Variants in SPIRE1 observed in about 807,000 individuals in gnomAD.
SPIRE1 encodes the protein protein spire homolog 1.
In SPIRE1, 40 loss-of-function variants were observed where a neutral mutation model predicts 94.1. That is an observed-to-expected ratio of 0.43 (90% CI 0.33 to 0.55). The LOEUF (loss-of-function observed/expected upper bound fraction) is 0.55, where lower values mean the gene tolerates loss of function less well. Ranked by LOEUF, SPIRE1 falls within the 20% of genes least tolerant of loss-of-function variation. The pLI is 0.06. For synonymous variants in SPIRE1, 376 were observed against 371.7 expected (o/e 1.01, Z -0.13); for missense variants, 838 against 975.2 (o/e 0.86, Z 1.87).
intron 2 of SPIRE1, among the ~76,000 whole-genome samples, chr18:12,610,802 T>G (rs992689766): frequency 2.0e-5 from 3 of 152,152 alleles, no homozygotes; most frequent in Admixed American, 6.5e-5. Flanking sequence ...TCTCTCATCC[T>G]CATTCTCAAT....
At chr18:12,602,443 G>C (rs1433943184) in intron 2 of SPIRE1, among the ~76,000 whole-genome samples, 3 of 152,124 alleles carry the variant, frequency 2.0e-5, no homozygotes, top group Non-Finnish European at 4.4e-5. Flanking sequence ...GCAAGGAGAG[G>C]CTGCTCAGTC....
intron 2 of SPIRE1, among the ~76,000 whole-genome samples, chr18:12,602,496 C>G (rs1233562359): frequency 6.6e-6 from 1 of 152,192 alleles, no homozygotes; most frequent in Admixed American, 6.5e-5. Flanking sequence ...TCATCCCACA[C>G]TAAACACAAT....
chr18:12,611,835 C>CTTT (rs71174105), intron 2 of SPIRE1, among the ~76,000 whole-genome samples: 1,780 of 146,828 alleles, frequency 0.012, 36 homozygotes, highest in African/African-American at 0.036. Flanking sequence ...AGCTACTTTT[C>CTTT]TTTTTTTTTT....
intron 2 of SPIRE1, among the ~76,000 whole-genome samples, chr18:12,634,262 A>T (rs76063388): frequency 3.1e-3 from 39 of 12,710 alleles, no homozygotes; most frequent in South Asian, 7.4e-3. Context: ...TAAAAATAAA[A>T]AAAAAAAAAA....
At chr18:12,467,284 CA>C (rs899729037) in intron 10 of SPIRE1, among the ~76,000 whole-genome samples, 1 of 151,952 alleles carries the variant, frequency 6.6e-6, no homozygotes, top group African/African-American at 2.4e-5. Flanking sequence ...TCTCAAAAAA[CA>C]AAAACCAAAA....
intron 12 of SPIRE1, 127 bp downstream of exon 12, chr18:12,463,224 G>C (rs2031942247): frequency 1.0e-6 from 1 of 963,436 alleles, no homozygotes. Context: ...TAGCTATTAA[G>C]TAAGTTATTC....
chr18:12,460,062 G>T, intron 12 of SPIRE1: 1 of 236,240 alleles, frequency 4.2e-6, no homozygotes. Flanking sequence ...CCATGAGGCT[G>T]GTACAGTCCG....
At chr18:12,655,307 G>T (rs934366121) in intron 1 of SPIRE1, among the ~76,000 whole-genome samples, 1 of 151,456 alleles carries the variant, frequency 6.6e-6, no homozygotes, top group Non-Finnish European at 1.5e-5. Flanking sequence ...GGAAGGAATA[G>T]AATTTTTAAG....
intron 5 of SPIRE1, among the ~76,000 whole-genome samples, chr18:12,507,690 C>A (rs919357878): frequency 5.9e-5 from 9 of 151,416 alleles, no homozygotes; most frequent in Non-Finnish European, 1.2e-4. Flanking sequence ...CACAGTGAGA[C>A]TCTGTCTCAA....
chr18:12,450,703 GAAGGATC>G (rs1598879243), intron 16 of SPIRE1: 6 of 650,562 alleles, frequency 9.2e-6, no homozygotes, highest in Non-Finnish European at 1.7e-5. Flanking sequence ...GAGGCAAGAA[GAAGGATC>G]CTAATGCCCC....
intron 2 of SPIRE1, among the ~76,000 whole-genome samples, chr18:12,599,852 G>A (rs1347770880): frequency 1.3e-5 from 2 of 152,090 alleles, no homozygotes; most frequent in Non-Finnish European, 2.9e-5. Flanking sequence ...CATGCCCTGT[G>A]TGACTCCTCC....
chr18:12,505,114 A>C (rs2033786239), intron 6 of SPIRE1, among the ~76,000 whole-genome samples: 1 of 152,198 alleles, frequency 6.6e-6, no homozygotes, highest in Non-Finnish European at 1.5e-5. Context: ...TAGAGCAATG[A>C]CATGATCATA....
chr18:12,500,269 G>T (rs570140513), intron 6 of SPIRE1, among the ~76,000 whole-genome samples: 1 of 152,042 alleles, frequency 6.6e-6, no homozygotes, highest in Non-Finnish European at 1.5e-5. Flanking sequence ...ATGCACACCC[G>T]CATCTAAATT....
At chr18:12,492,324 C>A (rs1348750809) in intron 8 of SPIRE1, among the ~76,000 whole-genome samples, 2 of 152,176 alleles carry the variant, frequency 1.3e-5, no homozygotes, top group South Asian at 2.1e-4. Flanking sequence ...AAGGCAGTTT[C>A]TCTGGATTCT....
intron 4 of SPIRE1, 96 bp downstream of exon 4, chr18:12,535,380 A>C: frequency 7.7e-7 from 1 of 1,300,816 alleles, no homozygotes; most frequent in South Asian, 1.3e-5. Context: ...AAAACAATAC[A>C]GCGGACAATA....
chr18:12,487,644 G>A (rs527478653), intron 8 of SPIRE1, among the ~76,000 whole-genome samples: 156 of 152,032 alleles, frequency 1.0e-3, no homozygotes, highest in Non-Finnish European at 1.8e-3. Flanking sequence ...CGCCCGCCTC[G>A]GCCTCCCAAA....
intron 2 of SPIRE1, among the ~76,000 whole-genome samples, chr18:12,579,233 A>AC (rs2036196504): frequency 5.4e-5 from 8 of 149,182 alleles, no homozygotes; most frequent in Admixed American, 2.7e-4. Flanking sequence ...ACACACACAC[A>AC]AAATACTGAC....
chr18:12,504,562 A>G (rs1213650818), intron 6 of SPIRE1, among the ~76,000 whole-genome samples: 2 of 152,176 alleles, frequency 1.3e-5, no homozygotes, highest in Non-Finnish European at 2.9e-5. Context: ...CTAACATAAA[A>G]TAACTTTGAT....
intron 2 of SPIRE1, among the ~76,000 whole-genome samples, chr18:12,632,757 AC>A (rs1469690428): frequency 2.0e-5 from 3 of 151,944 alleles, no homozygotes; most frequent in Non-Finnish European, 4.4e-5. Context: ...TCTTTTGGTG[AC>A]CTATGTTATG....
Sources: gnomAD v4.1 joint callset for allele counts (sites outside exome capture counted in the v4.1 genomes callset) on GRCh38, gnomAD v4.1.1 for gene constraint, MANE v1.5 for transcripts, NCBI Gene and HGNC (gene_info 2026-07-23, HGNC 2026-07-21) for gene names.